The following MTUS1 variants were observed in gnomAD, a reference collection of about 807,000 sequenced individuals.
The protein encoded by MTUS1 is microtubule-associated tumor suppressor 1.
Under a neutral mutation model 120.8 loss-of-function variants are expected in MTUS1, and 109 were observed. The observed-to-expected ratio is 0.90, with a 90% CI of 0.77 to 1.06. The LOEUF is 1.06. MTUS1 is among the 50% of genes least tolerant of loss of function. The pLI, the probability that MTUS1 is intolerant of heterozygous loss-of-function variation, is 0.00. For missense variants in MTUS1, 2,210 were observed against 1,486.3 expected (o/e 1.49, Z -8.01); for synonymous variants, 737 against 550.5 (o/e 1.34, Z -4.74).
intron 1 of MTUS1, among the ~76,000 whole-genome samples, chr8:17,758,517 C>A (rs1437934587): frequency 6.6e-6 from 1 of 152,204 alleles, no homozygotes; most frequent in Non-Finnish European, 1.5e-5. Context: ...TTTTATGAAA[C>A]ATAAATTAAC....
chr8:17,676,989 C>A (rs553594724), intron 7 of MTUS1, among the ~76,000 whole-genome samples: 3 of 152,158 alleles, frequency 2.0e-5, no homozygotes, highest in African/African-American at 7.2e-5. Context: ...CAAGTCTAAA[C>A]GCCAGCACTG....
chr8:17,732,207 G>A (rs1004441925), intron 3 of MTUS1, among the ~76,000 whole-genome samples: 1 of 152,198 alleles, frequency 6.6e-6, no homozygotes, highest in African/African-American at 2.4e-5. Context: ...GGCAGAAAGA[G>A]GACATTTATG....
chr8:17,659,321 C>T (rs1181767309), intron 8 of MTUS1, among the ~76,000 whole-genome samples: 1 of 152,168 alleles, frequency 6.6e-6, no homozygotes, highest in Non-Finnish European at 1.5e-5. Context: ...CAGGGAGTGG[C>T]ACTCAGGATA....
chr8:17,801,128 A>C (rs2052651081), upstream of MTUS1, among the ~76,000 whole-genome samples: 2 of 150,350 alleles, frequency 1.3e-5, no homozygotes, highest in Non-Finnish European at 3.0e-5. Context: ...CCTTTGCACC[A>C]CTGGCGGGGT....
intron 2 of MTUS1, among the ~76,000 whole-genome samples, chr8:17,752,989 A>T (rs1348944880): frequency 6.6e-6 from 1 of 152,216 alleles, no homozygotes; most frequent in Non-Finnish European, 1.5e-5. Flanking sequence ...CTGCATGTGA[A>T]TTCTTTATTC....
chr8:17,745,707 C>A (rs912224803), intron 2 of MTUS1, among the ~76,000 whole-genome samples: 27 of 152,346 alleles, frequency 1.8e-4, no homozygotes, highest in African/African-American at 6.5e-4. Flanking sequence ...ACACATCGAA[C>A]GTTAATAACT....
intron 13 of MTUS1, among the ~76,000 whole-genome samples, chr8:17,648,030 T>C (rs17589993): frequency 0.016 from 2,463 of 152,342 alleles, 23 homozygotes; most frequent in Non-Finnish European, 0.025. Flanking sequence ...TCAGTAATTA[T>C]GAAGGATTCC....
chr8:17,718,400 G>C (rs1006787419), intron 4 of MTUS1, among the ~76,000 whole-genome samples: 3 of 152,198 alleles, frequency 2.0e-5, no homozygotes, highest in African/African-American at 7.2e-5. Context: ...CCACTGCCTA[G>C]CTGTGCTGAA....
intron 1 of MTUS1, among the ~76,000 whole-genome samples, chr8:17,799,618 G>A (rs527746352): frequency 9.9e-5 from 15 of 152,112 alleles, no homozygotes; most frequent in African/African-American, 3.6e-4. Context: ...CTGCAGGTTA[G>A]TTTCCAAAAA....
chr8:17,644,188 A>C lies in MTUS1; in HGVS notation c.*1738T>G, dbSNP rs1295567820. ...TCTCATGAAGTGGCAGTGAACCTAC[A>C]TTTCCATTTATCAGAAGCAAACATG... On this transcript the variant is annotated 3_prime_UTR_variant, in exon 15 of 15. Transcript: ENST00000693296. The C allele has an allele frequency of 6.6e-6, 1 of 152,322 alleles. No individual in the cohort carries two copies. Among genetic ancestry groups the C allele is most frequent in the African/African-American group, 2.4e-5 (1 of 41,452 alleles). 9.4% of individuals were successfully genotyped at this position (152,322 alleles called of 1,614,324 possible).
chr8:17,729,861 C>A (rs1405562189), intron 3 of MTUS1, among the ~76,000 whole-genome samples: 2 of 151,892 alleles, frequency 1.3e-5, no homozygotes, highest in Admixed American at 6.6e-5. Context: ...ATAGACATTT[C>A]TCCTAAGAAG....
intron 1 of MTUS1, among the ~76,000 whole-genome samples, chr8:17,778,809 C>A (rs1199602669): frequency 1.3e-5 from 2 of 151,854 alleles, no homozygotes; most frequent in Non-Finnish European, 2.9e-5. Flanking sequence ...ACTCTATCTC[C>A]AAAAATATAT....
chr8:17,668,756 C>T (rs1455944213), intron 8 of MTUS1, among the ~76,000 whole-genome samples: 1 of 152,102 alleles, frequency 6.6e-6, no homozygotes, highest in African/African-American at 2.4e-5. Flanking sequence ...GCTTGTTGTA[C>T]AGAATATTTC....
intron 8 of MTUS1, among the ~76,000 whole-genome samples, chr8:17,663,239 T>C (rs1810162068): frequency 6.6e-6 from 1 of 152,206 alleles, no homozygotes; most frequent in African/African-American, 2.4e-5. Context: ...ATTACTTAAT[T>C]AGTCCTCATG....
chr8:17,752,006 C>G (rs567662329), intron 2 of MTUS1, among the ~76,000 whole-genome samples: 1 of 151,950 alleles, frequency 6.6e-6, no homozygotes, highest in Non-Finnish European at 1.5e-5. Context: ...CAGCCAGATT[C>G]CTGAGGCGAA....
At chr8:17,762,978 C>T (rs945850503) in intron 1 of MTUS1, among the ~76,000 whole-genome samples, 45 of 143,140 alleles carry the variant, frequency 3.1e-4, no homozygotes, top group Admixed American at 6.0e-4. Flanking sequence ...GGGCTGACTG[C>T]TTTCACATCC....
intron 8 of MTUS1, among the ~76,000 whole-genome samples, chr8:17,668,133 TCA>T (rs1253158747): frequency 2.0e-5 from 3 of 152,226 alleles, no homozygotes; most frequent in Non-Finnish European, 4.4e-5. Context: ...CTTGTCCAAC[TCA>T]CAGCCTGCAC....
intron 9 of MTUS1, among the ~76,000 whole-genome samples, chr8:17,655,397 T>C (rs779505288): frequency 6.6e-6 from 1 of 152,200 alleles, no homozygotes; most frequent in Non-Finnish European, 1.5e-5. Flanking sequence ...TTCAATTTTA[T>C]CTTTTCCTCC....
At chr8:17,739,797 C>A (rs2047180611) in intron 3 of MTUS1, among the ~76,000 whole-genome samples, 1 of 152,196 alleles carries the variant, frequency 6.6e-6, no homozygotes, top group African/African-American at 2.4e-5. Context: ...CTATCATTGA[C>A]ATTATAATAA....
Sources: gnomAD v4.1 joint callset for allele counts (sites outside exome capture counted in the v4.1 genomes callset) on GRCh38, gnomAD v4.1.1 for gene constraint, MANE v1.5 for transcripts, NCBI Gene and HGNC (gene_info 2026-07-23, HGNC 2026-07-21) for gene names.